The following CALCR variants were observed in gnomAD, a reference collection of about 807,000 sequenced individuals.
CALCR encodes calcitonin receptor.
CALCR carries 47 observed loss-of-function variants against 59.5 expected under a neutral mutation model. That is an observed-to-expected ratio of 0.79 (90% CI 0.63 to 1.01). The LOEUF (loss-of-function observed/expected upper bound fraction) is 1.01, where lower values mean the gene tolerates loss of function less well. Ranked by LOEUF, CALCR falls within the 50% of genes least tolerant of loss-of-function variation. CALCR has a pLI of 0.00. For synonymous variants in CALCR, 213 were observed against 211.3 expected, an observed-to-expected ratio of 1.01 and a Z score of -0.07; for missense variants, 566 against 597.1, an observed-to-expected ratio of 0.95 and a Z score of 0.54.
At chr7:93,433,860 G>C (rs1486823186) in intron 13 of CALCR, among the ~76,000 whole-genome samples, 1 of 152,222 alleles carries the variant, frequency 6.6e-6, no homozygotes, top group African/African-American at 2.4e-5. Flanking sequence ...TTAGCACCAA[G>C]CAACTGGAAA....
At chr7:93,441,883 T>C (rs1187146711) in intron 9 of CALCR, among the ~76,000 whole-genome samples, 5 of 152,144 alleles carry the variant, frequency 3.3e-5, no homozygotes, top group African/African-American at 1.2e-4. Flanking sequence ...TTGGCCACAG[T>C]TTATTGAACC....
chr7:93,436,058 A>G lies in CALCR; in HGVS notation c.1043T>C (p.Leu348Pro), dbSNP rs1009363994. 3 of 1,613,840 alleles carry G rather than the reference A, an allele frequency of 1.9e-6. No homozygotes were observed. Among genetic ancestry groups the G allele is most frequent in the Non-Finnish European group, 2.5e-6 (3 of 1,179,864 alleles). ...AAACTGGATTCCCAGCAGGGGCACA[A>G]GGATCATGGTGGCCTTCACAGCCTT... ...YLKAVKATMI[L>P]VPLLGIQFVV... Residue 348 changes from leucine to proline, a missense_variant, in exon 12 of 14, where the codon CTT becomes CCT. Leu to Pro is a moderately conservative substitution (Grantham distance 98). Coordinates refer to ENST00000426151, the MANE Select transcript of CALCR (RefSeq NM_001742.4).
Position 93,488,081 on chromosome 7 carries a change from A to G in CALCR, c.-26-1074T>C, listed in dbSNP as rs552853375. Among the ~76,000 whole-genome samples, 4 of 151,846 alleles carry G rather than the reference A, an allele frequency of 2.6e-5. No individual in the cohort carries two copies. The East Asian group carries it at 7.8e-4, about 30-fold the overall frequency. On this transcript the variant is annotated intron_variant, in intron 2 of 13. Coordinates refer to ENST00000426151, the MANE Select transcript of CALCR (RefSeq NM_001742.4). Reference sequence around the variant, plus strand: ...CCTCTCAACAGAAACTCTACAAGCTAGAAGAGATTGGAGGCCAATATTCAA... The same window carrying G: ...CCTCTCAACAGAAACTCTACAAGCTGGAAGAGATTGGAGGCCAATATTCAA...
intron 2 of CALCR, among the ~76,000 whole-genome samples, chr7:93,489,771 C>T (rs991692098): frequency 1.9e-4 from 29 of 152,032 alleles, no homozygotes; most frequent in Admixed American, 8.5e-4. Flanking sequence ...TAATTAATGG[C>T]CTACCAACCA....
chr7:93,534,234 C>G (rs1237376138), intron 2 of CALCR, among the ~76,000 whole-genome samples: 1 of 151,670 alleles, frequency 6.6e-6, no homozygotes, highest in Non-Finnish European at 1.5e-5. Flanking sequence ...ATGTATTGTA[C>G]TTATACATAT....
rs77198326 is a variant in CALCR at position 93,563,991 on chromosome 7, C to T, written c.-27+10298G>A. On this transcript the variant is annotated intron_variant, in intron 2 of 13. Transcript: ENST00000426151. The stretch of plus-strand genomic sequence containing the variant: ...GAAAATTACTGGCTCATAGTAAGTA[C>T]TATGTGTTAGCTATTATTACCATTA... Among the ~76,000 whole-genome samples the T allele has an allele frequency of 2.8e-3, 433 of 152,196 alleles. 2 individuals are homozygous for T. The highest frequency in any genetic ancestry group is 9.8e-3 in the African/African-American group (409 of 41,542).
At chr7:93,565,159 C>G (rs1267600946) in intron 2 of CALCR, among the ~76,000 whole-genome samples, 1 of 152,194 alleles carries the variant, frequency 6.6e-6, no homozygotes, top group African/African-American at 2.4e-5. Flanking sequence ...AGGGAGAGCA[C>G]TAGATGTGGA....
intron 3 of CALCR, among the ~76,000 whole-genome samples, chr7:93,486,031 A>G (rs1181537212): frequency 2.0e-5 from 3 of 151,786 alleles, no homozygotes; most frequent in African/African-American, 7.2e-5. Flanking sequence ...TTGTAGGCCT[A>G]TAACTACACA....
intron 6 of CALCR, 31 bp downstream of exon 6, chr7:93,472,344 A>C (rs1800569735): frequency 8.2e-7 from 1 of 1,224,616 alleles, no homozygotes; most frequent in Admixed American, 1.8e-5. Flanking sequence ...TGACATTCTC[A>C]CTCAATACTG....
rs138862037 is a variant in CALCR at position 93,491,205 on chromosome 7, T to C, written c.-26-4198A>G. On this transcript the variant is annotated intron_variant, in intron 2 of 13. Coordinates refer to ENST00000426151, the MANE Select transcript of CALCR (RefSeq NM_001742.4). ...GTGCTGGGAAAACTAGCTAGCCATA[T>C]GCAGAAAACTAAAAATGGACCTCTT... Among the ~76,000 whole-genome samples the C allele has an allele frequency of 6.1e-4, 93 of 152,224 alleles. No homozygotes were observed. The East Asian group carries it at 0.016, about 26-fold the overall frequency.
At chr7:93,535,174 T>C (rs745651662) in intron 2 of CALCR, among the ~76,000 whole-genome samples, 6 of 151,746 alleles carry the variant, frequency 4.0e-5, no homozygotes, top group Non-Finnish European at 8.9e-5. Flanking sequence ...CTCACTATTA[T>C]TGAATCTTGC....
At chr7:93,434,409 A>G (rs931756191) in intron 12 of CALCR, 115 bp from the exon 13 acceptor site, 2 of 675,404 alleles carry the variant, frequency 3.0e-6, no homozygotes, top group East Asian at 2.7e-5. Flanking sequence ...AAAAGCAAGA[A>G]AAAGAATTAT....
intron 2 of CALCR, chr7:93,559,452 G>A (rs1366355877): frequency 6.6e-6 from 1 of 151,972 alleles, no homozygotes; most frequent in Non-Finnish European, 1.5e-5. Flanking sequence ...TTGCCCTTTT[G>A]TGGCTTAGCA....
chr7:93,550,598 A>AACACACACACACACACACACACACAC (rs201729250), intron 2 of CALCR, among the ~76,000 whole-genome samples: 1 of 121,850 alleles, frequency 8.2e-6, no homozygotes, highest in African/African-American at 2.9e-5. Flanking sequence ...ATTTGGGCTA[A>AACACACACACACACACACACACACAC]ACACACACAC....
chr7:93,551,987 C>T (rs1789471258), intron 2 of CALCR, among the ~76,000 whole-genome samples: 1 of 152,014 alleles, frequency 6.6e-6, no homozygotes, highest in Non-Finnish European at 1.5e-5. Context: ...GAAATATTTA[C>T]CCTGAAATCA....
intron 11 of CALCR, 24 bp from the exon 12 acceptor site, chr7:93,436,194 C>A (rs765825396): frequency 6.4e-7 from 1 of 1,569,346 alleles, no homozygotes. Context: ...GTGTTATGAG[C>A]AAATCATACA....
At chr7:93,468,837 A>G in intron 6 of CALCR, 31 bp from the exon 7 acceptor site, 2 of 1,230,044 alleles carry the variant, frequency 1.6e-6, no homozygotes, top group Admixed American at 3.8e-5. Flanking sequence ...CAAACAAACA[A>G]TGAATGAATG....
intron 2 of CALCR, among the ~76,000 whole-genome samples, chr7:93,496,674 G>A (rs1258889636): frequency 2.0e-5 from 3 of 151,558 alleles, no homozygotes; most frequent in Non-Finnish European, 4.4e-5. Flanking sequence ...ATGAGAACAA[G>A]GAGTAGGATG....
At position 93,438,225 on chromosome 7, in the gene CALCR, A is replaced by G. The variant is rs927383826; in HGVS notation, c.848T>C (p.Val283Ala). The G allele has an allele frequency of 6.2e-7, 1 of 1,613,382 alleles. No individual in the cohort carries two copies. The highest frequency in any genetic ancestry group is 8.5e-7 in the Non-Finnish European group (1 of 1,179,330). Residue 283 changes from valine to alanine, a missense_variant, in exon 10 of 14, where the codon GTG (valine) becomes GCG (alanine). Physicochemically the swap from Val to Ala is moderately conservative, Grantham distance 64 (BLOSUM62 0). Coordinates refer to ENST00000426151, the MANE Select transcript of CALCR (RefSeq NM_001742.4). Reference protein sequence around the residue: ...PTTIHAITRAVYFNDNCWLSV... With the variant: ...PTTIHAITRAAYFNDNCWLSV... ...TAATACTTACTTGTCATTGAAGTAC[A>G]CGGCCCTGGTAATAGCATGGATAGT...
Sources: allele counts gnomAD v4.1 joint callset (sites outside exome capture counted in the v4.1 genomes callset), GRCh38; gene constraint gnomAD v4.1.1; transcripts MANE v1.5; gene names NCBI Gene and HGNC (gene_info 2026-07-23, HGNC 2026-07-21).